CUBN: variants seen among roughly 807,000 people sequenced by gnomAD.
The protein encoded by CUBN is 460 kDa receptor.
A neutral mutation model predicts 405.3 loss-of-function variants in CUBN; 282 were observed. The observed-to-expected ratio is 0.70, with a 90% CI of 0.63 to 0.77. CUBN has a LOEUF of 0.77. Ranked by LOEUF, CUBN falls within the 30% of genes least tolerant of loss-of-function variation. The pLI is 0.00. For synonymous variants in CUBN, 1,684 were observed against 1,617.0 expected (o/e 1.04, Z -0.99); for missense variants, 4,514 against 4,475.2 (o/e 1.01, Z -0.25).
chr10:16,962,458 G>T (rs997657088), intron 31 of CUBN, among the ~76,000 whole-genome samples: 1 of 151,622 alleles, frequency 6.6e-6, no homozygotes, highest in Non-Finnish European at 1.5e-5. Flanking sequence ...AGGGGTGGGG[G>T]GTGGTAGGCA....
chr10:16,841,900 A>C (rs1390031240), intron 60 of CUBN, among the ~76,000 whole-genome samples: 4 of 120,908 alleles, frequency 3.3e-5, no homozygotes, highest in African/African-American at 9.5e-5. Context: ...GTGACAGTGC[A>C]AGACTGTCTC....
At chr10:17,118,075 C>T (rs754404951) in intron 6 of CUBN, among the ~76,000 whole-genome samples, 29 of 152,296 alleles carry the variant, frequency 1.9e-4, no homozygotes, top group Admixed American at 8.5e-4. Flanking sequence ...TTCTCTTTAT[C>T]TCTCTCTTCC....
intron 39 of CUBN, 38 bp from the exon 40 acceptor site, chr10:16,933,322 A>T (rs767068844): frequency 1.3e-6 from 2 of 1,587,692 alleles, no homozygotes; most frequent in South Asian, 2.2e-5. Context: ...CACAGCCCTA[A>T]TGGAAAAGAC....
At chr10:16,926,815 CTAT>C (rs1842203081) in intron 41 of CUBN, among the ~76,000 whole-genome samples, 1 of 145,770 alleles carries the variant, frequency 6.9e-6, no homozygotes, top group Non-Finnish European at 1.5e-5. Context: ...TTTTTTCTAT[CTAT>C]CTATCTATCT....
chr10:17,123,612 A>G lies in CUBN; in HGVS notation c.465T>C (p.Phe155=). 1 of 1,614,014 alleles carries G rather than the reference A, an allele frequency of 6.2e-7. No homozygotes were observed. Among genetic ancestry groups the G allele is most frequent in the Non-Finnish European group, 8.5e-7 (1 of 1,179,938 alleles). The part of the protein sequence containing the change: ...GTCLNLHDSF[F]CICPPQWKGP... ...CCTTCCACTGTGGGGGACAGATACA[A>G]AAAAAGGAATCATGCAGATTGAGGC... Residue 155 remains phenylalanine, a synonymous_variant, in exon 5 of 67, where the codon TTT becomes TTC. Transcript: ENST00000377833.
intron 56 of CUBN, among the ~76,000 whole-genome samples, chr10:16,877,383 A>C (rs1483027821): frequency 6.6e-6 from 1 of 152,172 alleles, no homozygotes; most frequent in Non-Finnish European, 1.5e-5. Context: ...CAGTGACTGT[A>C]AACTGGGGAC....
intron 66 of CUBN, among the ~76,000 whole-genome samples, chr10:16,826,113 A>G (rs1838773987): frequency 6.6e-6 from 1 of 151,982 alleles, no homozygotes; most frequent in Non-Finnish European, 1.5e-5. Context: ...CATTTGCTAG[A>G]TCTTCATTTT....
chr10:17,044,941 A>C (rs1835092383), intron 25 of CUBN, 66 bp downstream of exon 25: 4 of 1,455,590 alleles, frequency 2.7e-6, no homozygotes, highest in Non-Finnish European at 3.9e-6. Flanking sequence ...CGAAAATAAA[A>C]ATAAGTGCAT....
rs769318609 is a variant in CUBN, at chr10:16,841,054, AG to A, written c.9664-8del. On this transcript the variant is annotated splice_region_variant and splice_polypyrimidine_tract_variant and intron_variant, in intron 60 of 66. Coordinates refer to ENST00000377833, the MANE Select transcript of CUBN (RefSeq NM_001081.4). Reference sequence around the variant, plus strand: ...CACTATCCCCATCATATAACTGAGAAGAAAAACAATTCATTACTTCTCCATT... The same window carrying A: ...CACTATCCCCATCATATAACTGAGAAAAAAACAATTCATTACTTCTCCATT... 27 of 1,613,868 alleles carry A rather than the reference AG, an allele frequency of 1.7e-5. No individual in the cohort carries two copies. Among genetic ancestry groups the A allele is most frequent in the Non-Finnish European group, 2.2e-5 (26 of 1,179,850 alleles).
At chr10:16,851,776 C>G (rs1240581189) in intron 59 of CUBN, among the ~76,000 whole-genome samples, 1 of 132,096 alleles carries the variant, frequency 7.6e-6, no homozygotes, top group Admixed American at 7.4e-5. Flanking sequence ...CTCCCTCACT[C>G]TCTTTCCCTC....
chr10:16,923,210 G>A (rs1462588929), intron 43 of CUBN, among the ~76,000 whole-genome samples: 3 of 151,842 alleles, frequency 2.0e-5, no homozygotes, highest in East Asian at 1.9e-4. Context: ...GGCAGAACTC[G>A]GTGGTTTGCA....
chr10:16,917,353 G>A (rs1321284711), intron 45 of CUBN, among the ~76,000 whole-genome samples: 1 of 152,014 alleles, frequency 6.6e-6, no homozygotes, highest in Non-Finnish European at 1.5e-5. Flanking sequence ...ACCCTATACA[G>A]ACATATAGAC....
At chr10:16,891,883 AC>A (rs200991032) in intron 54 of CUBN, among the ~76,000 whole-genome samples, 8,571 of 151,978 alleles carry the variant, frequency 0.056, 790 homozygotes, top group East Asian at 0.32. Context: ...GACTATTGCT[AC>A]ACAATCTGCA....
chr10:16,840,737 G>C, intron 61 of CUBN, 148 bp downstream of exon 61: 1 of 849,206 alleles, frequency 1.2e-6, no homozygotes. Flanking sequence ...TTAACATGGT[G>C]TTTAGCAATT....
chr10:16,909,671 T>C (rs1841665512), intron 48 of CUBN, among the ~76,000 whole-genome samples: 1 of 152,190 alleles, frequency 6.6e-6, no homozygotes, highest in Non-Finnish European at 1.5e-5. Context: ...TGACTGAACA[T>C]GTTATAGTCA....
intron 14 of CUBN, 40 bp from the exon 15 acceptor site, chr10:17,088,385 T>A (rs1347699518): frequency 4.6e-6 from 7 of 1,527,580 alleles, no homozygotes; most frequent in Non-Finnish European, 6.3e-6. Flanking sequence ...TTTGTATAGA[T>A]GCTATAATTT....
chr10:17,122,773 C>CAAA (rs35530629), intron 6 of CUBN, 22 bp downstream of exon 6: 402 of 1,273,228 alleles, frequency 3.2e-4, no homozygotes, highest in Admixed American at 3.2e-4. Context: ...TGATATTTAC[C>CAAA]AAAAAAAAAA....
chr10:17,116,669 G>A (rs1475913403), intron 6 of CUBN, among the ~76,000 whole-genome samples: 1 of 152,186 alleles, frequency 6.6e-6, no homozygotes, highest in Non-Finnish European at 1.5e-5. Flanking sequence ...ATGTATGAAC[G>A]ACATTGTGGG....
At chr10:16,858,016 C>A (rs1839909120) in intron 59 of CUBN, among the ~76,000 whole-genome samples, 1 of 151,986 alleles carries the variant, frequency 6.6e-6, no homozygotes, top group Admixed American at 6.6e-5. Context: ...ATATACTAAC[C>A]ATTAACATGT....
Sources: allele counts gnomAD v4.1 joint callset (sites outside exome capture counted in the v4.1 genomes callset), GRCh38; gene constraint gnomAD v4.1.1; transcripts MANE v1.5; gene names NCBI Gene and HGNC (gene_info 2026-07-23, HGNC 2026-07-21).